The following PRIM2 variants were observed in gnomAD, a reference collection of about 807,000 sequenced individuals.
PRIM2 encodes the protein DNA primase large subunit.
In PRIM2, 39 loss-of-function variants were observed where a neutral mutation model predicts 67.3. That is an observed-to-expected ratio of 0.58 (90% confidence interval 0.45 to 0.76). The LOEUF is 0.76. PRIM2 is among the 30% of genes least tolerant of loss of function. The pLI is 0.00. For missense variants in PRIM2, 398 were observed against 598.7 expected (o/e 0.66, Z 3.50); for synonymous variants, 143 against 198.7 (o/e 0.72, Z 2.36).
At chr6:57,584,559 A>G (rs1776155804) in intron 10 of PRIM2, among the ~76,000 whole-genome samples, 1 of 152,208 alleles carries the variant, frequency 6.6e-6, no homozygotes, top group Non-Finnish European at 1.5e-5. Context: ...AATTCTGTAT[A>G]CTATGGAGTC....
intron 12 of PRIM2, among the ~76,000 whole-genome samples, chr6:57,622,332 T>C (rs1349816949): frequency 1.3e-5 from 2 of 152,232 alleles, no homozygotes; most frequent in African/African-American, 2.4e-5. Context: ...ATTACAGATA[T>C]GTCATATTTC....
At chr6:57,281,180 T>G in the PRIM2 span, among the ~76,000 whole-genome samples, 1 of 152,212 alleles carries the variant, frequency 6.6e-6, no homozygotes, top group Non-Finnish European at 1.5e-5. Flanking sequence ...TGTACCAGTT[T>G]TCTTTTATCT....
intron 10 of PRIM2, among the ~76,000 whole-genome samples, chr6:57,542,940 T>TTTTTTTTTTTTTTTTTC: frequency 2.0e-5 from 1 of 51,240 alleles, no homozygotes; most frequent in African/African-American, 1.7e-4. Flanking sequence ...GCTTATAGGA[T>TTTTTTTTTTTTTTTTTC]TTTTTTTTTT....
intron 5 of PRIM2, among the ~76,000 whole-genome samples, chr6:57,376,663 AT>A (rs1769775769): frequency 6.6e-6 from 1 of 152,214 alleles, no homozygotes; most frequent in African/African-American, 2.4e-5. Context: ...AACATTTACA[AT>A]ATTAAGTTTT....
At chr6:57,525,333 T>C (rs1269293727) in intron 8 of PRIM2, among the ~76,000 whole-genome samples, 2 of 152,222 alleles carry the variant, frequency 1.3e-5, no homozygotes, top group African/African-American at 2.4e-5. Context: ...TTTTAATATA[T>C]TTAACGTTGT....
chr6:57,386,966 C>A (rs1010814698), intron 7 of PRIM2, among the ~76,000 whole-genome samples: 21 of 152,194 alleles, frequency 1.4e-4, no homozygotes, highest in African/African-American at 5.1e-4. Flanking sequence ...TTATTCTTAA[C>A]CTGTGACCAT....
intron 13 of PRIM2, among the ~76,000 whole-genome samples, chr6:57,641,895 G>T (rs1321662356): frequency 6.6e-6 from 1 of 152,140 alleles, no homozygotes; most frequent in African/African-American, 2.4e-5. Flanking sequence ...GTACCCAAAG[G>T]ATTATAAATC....
At chr6:57,493,244 G>A (rs1396533007) in intron 7 of PRIM2, among the ~76,000 whole-genome samples, 44 of 152,218 alleles carry the variant, frequency 2.9e-4, no homozygotes, top group African/African-American at 1.0e-3. Flanking sequence ...CTAGAATGTT[G>A]GTGAAAAGTC....
At chr6:57,253,325 A>G in the PRIM2 span, among the ~76,000 whole-genome samples, 1 of 152,242 alleles carries the variant, frequency 6.6e-6, no homozygotes, top group Non-Finnish European at 1.5e-5. Flanking sequence ...GGTTTGGATC[A>G]GAGCAAGGAG....
chr6:57,514,051 T>C (rs1774428213), intron 8 of PRIM2, among the ~76,000 whole-genome samples: 1 of 152,202 alleles, frequency 6.6e-6, no homozygotes, highest in Admixed American at 6.5e-5. Flanking sequence ...TAGTGCATAC[T>C]GATTTTGCAA....
chr6:57,592,135 A>G (rs1776291623), intron 10 of PRIM2, among the ~76,000 whole-genome samples: 1 of 152,100 alleles, frequency 6.6e-6, no homozygotes, highest in Non-Finnish European at 1.5e-5. Context: ...GCATGGACAT[A>G]AATATGGGAA....
At chr6:57,443,768 T>A (rs1772276727) in intron 7 of PRIM2, among the ~76,000 whole-genome samples, 1 of 152,164 alleles carries the variant, frequency 6.6e-6, no homozygotes, top group Non-Finnish European at 1.5e-5. Flanking sequence ...TAGTTTGATG[T>A]AATCCCAGTT....
chr6:57,232,904 T>A, the PRIM2 span, among the ~76,000 whole-genome samples: 6 of 152,298 alleles, frequency 3.9e-5, no homozygotes, highest in African/African-American at 1.4e-4. Context: ...AACTGAGAAG[T>A]ACTAAGGAAT....
At chr6:57,274,920 G>A in the PRIM2 span, among the ~76,000 whole-genome samples, 248 of 151,000 alleles carry the variant, frequency 1.6e-3, 1 homozygote, top group Non-Finnish European at 6.3e-4. Context: ...GGGACTACAG[G>A]CACGTGCCTC....
intron 13 of PRIM2, among the ~76,000 whole-genome samples, chr6:57,641,433 A>C (rs1777231919): frequency 6.6e-6 from 1 of 152,220 alleles, no homozygotes; most frequent in African/African-American, 2.4e-5. Context: ...AAAAGAAACT[A>C]TCATCAGAGT....
At chr6:57,223,544 C>G in the PRIM2 span, among the ~76,000 whole-genome samples, 3 of 152,062 alleles carry the variant, frequency 2.0e-5, no homozygotes, top group African/African-American at 7.2e-5. Flanking sequence ...AATTTAATAT[C>G]AAGTAGCTAA....
intron 7 of PRIM2, among the ~76,000 whole-genome samples, chr6:57,490,324 C>G (rs1479163019): frequency 1.3e-5 from 2 of 152,158 alleles, no homozygotes; most frequent in East Asian, 1.9e-4. Context: ...TCATCCTTCT[C>G]AAATTCACCA....
chr6:57,585,130 A>G (rs1776165834), intron 10 of PRIM2, among the ~76,000 whole-genome samples: 1 of 152,196 alleles, frequency 6.6e-6, no homozygotes, highest in African/African-American at 2.4e-5. Flanking sequence ...ATGAGGAGTT[A>G]GAGAGAGTAA....
At chr6:57,316,308 A>G (rs1032374247), upstream of PRIM2, among the ~76,000 whole-genome samples, 1 of 152,146 alleles carries the variant, frequency 6.6e-6, no homozygotes, top group Non-Finnish European at 1.5e-5. Context: ...GCTATTTGGG[A>G]GGCTGAGGCA....
Sources: gnomAD v4.1 joint callset for allele counts (sites outside exome capture counted in the v4.1 genomes callset) on GRCh38, gnomAD v4.1.1 for gene constraint, MANE v1.5 for transcripts, NCBI Gene and HGNC (gene_info 2026-07-23, HGNC 2026-07-21) for gene names.